The following TNPO1 variants were observed in gnomAD, a reference collection of about 807,000 sequenced individuals.
The protein encoded by TNPO1 is transportin 1.
In TNPO1, 8 loss-of-function variants were observed where a neutral mutation model predicts 119.5. The ratio of observed to expected loss-of-function variants is 0.07; its 90% CI spans 0.04 to 0.12. TNPO1 has a LOEUF of 0.12. Among genes scored for constraint, TNPO1 ranks in the 10% least tolerant of loss-of-function variants. The pLI is 1.00. For synonymous variants in TNPO1, 362 were observed against 363.0 expected, an observed-to-expected ratio of 1.00 and a Z score of 0.03; for missense variants, 576 against 1,089.8, an observed-to-expected ratio of 0.53 and a Z score of 6.64.
chr5:72,816,878 C>G, intron 1 of TNPO1, 126 bp downstream of exon 1: 1 of 1,220,286 alleles, frequency 8.2e-7, no homozygotes, highest in African/African-American at 1.6e-5. Flanking sequence ...GCCTGCCCGG[C>G]CGTTTGAAGC....
Position 72,848,463 on chromosome 5 carries a change from TC to T in TNPO1, c.98del (p.Pro33GlnfsTer26). 6.2e-7 allele frequency: 1 copy of T among 1,610,970 alleles called. No homozygotes were observed. The highest frequency in any genetic ancestry group is 8.5e-7 in the Non-Finnish European group (1 of 1,178,470). On this transcript the variant is annotated frameshift_variant, in exon 2 of 25. Coordinates refer to ENST00000337273, the MANE Select transcript of TNPO1 (RefSeq NM_002270.4). LOFTEE classifies it high-confidence loss of function. Reference protein sequence around the residue: ...QILQLLKESQSPDTTIQRTVQ... With the variant: ...QILQLLKESQXPDTTIQRTVQ... The stretch of plus-strand genomic sequence containing the variant: ...CCTGCAGCTGTTGAAGGAGTCCCAG[TC>T]CCCAGACACCACCATCCAGAGAACC...
At chr5:72,885,508 AGAG>A (rs1271946031) in intron 11 of TNPO1, among the ~76,000 whole-genome samples, 1 of 152,246 alleles carries the variant, frequency 6.6e-6, no homozygotes, top group African/African-American at 2.4e-5. Flanking sequence ...CATCTTTTTT[AGAG>A]GAGAAGCCAG....
chr5:72,828,873 A>G (rs967764418), intron 1 of TNPO1, among the ~76,000 whole-genome samples: 1 of 152,216 alleles, frequency 6.6e-6, no homozygotes, highest in African/African-American at 2.4e-5. Context: ...ACTCTTCATA[A>G]TGGTAGATCA....
intron 1 of TNPO1, among the ~76,000 whole-genome samples, chr5:72,847,069 T>G (rs1168034866): frequency 6.6e-6 from 1 of 152,134 alleles, no homozygotes; most frequent in Non-Finnish European, 1.5e-5. Flanking sequence ...AAGAACAGTT[T>G]ATTAGATTGG....
intron 21 of TNPO1, 49 bp from the exon 22 acceptor site, chr5:72,900,925 T>C (rs555370349): frequency 7.7e-7 from 1 of 1,294,992 alleles, no homozygotes; most frequent in South Asian, 1.2e-5. Flanking sequence ...GTATTGTCAT[T>C]GAATCTGCTT....
At chr5:72,837,870 G>A (rs901611407) in intron 1 of TNPO1, among the ~76,000 whole-genome samples, 1 of 152,188 alleles carries the variant, frequency 6.6e-6, no homozygotes, top group Non-Finnish European at 1.5e-5. Context: ...ATAATTAACA[G>A]AACTGGGATT....
At position 72,913,452 on chromosome 5, in the gene TNPO1, T is replaced by C. The variant is rs1191921835; in HGVS notation, c.*4779T>C. On this transcript the variant is annotated 3_prime_UTR_variant, in exon 25 of 25. Transcript: ENST00000337273. ...AGAATGTGTTGTGTTTTTTAAAAGA[T>C]GCATAATAGCTGAATGTATGCATGA... is the stretch of plus-strand genomic sequence containing the variant. 2.0e-5 allele frequency: 3 copies of C among 152,512 alleles called. No individual in the cohort carries two copies. Among genetic ancestry groups the C allele is most frequent in the Non-Finnish European group, 2.9e-5 (2 of 67,952 alleles). The allele number at this position is 152,512 out of a possible 1,614,324, so 9.4% of individuals were successfully genotyped here.
chr5:72,906,502 G>A (rs185112974), intron 24 of TNPO1, among the ~76,000 whole-genome samples: 1 of 151,886 alleles, frequency 6.6e-6, no homozygotes, highest in East Asian at 1.9e-4. Context: ...ATGTTGGCCG[G>A]GCTGGTCTCG....
intron 18 of TNPO1, among the ~76,000 whole-genome samples, chr5:72,895,531 T>C (rs964960130): frequency 2.6e-5 from 4 of 152,234 alleles, no homozygotes; most frequent in African/African-American, 7.2e-5. Flanking sequence ...AAACATCTTA[T>C]AATACAGGAG....
rs912848195 is a variant in TNPO1 at position 72,865,960 on chromosome 5, A to G, written c.596+231A>G. Among the ~76,000 whole-genome samples the G allele has an allele frequency of 4.6e-5, 7 of 152,348 alleles. No homozygotes were observed. In the South Asian group the frequency reaches 1.2e-3, roughly 27 times the overall value. Reference sequence around the variant, plus strand: ...ATGATAAAAGTTTTGTGCCTTTTACAGTGGTTAATTATATTCATGATAGTT... The same window carrying G: ...ATGATAAAAGTTTTGTGCCTTTTACGGTGGTTAATTATATTCATGATAGTT... On this transcript the variant is annotated intron_variant, in intron 6 of 24. Coordinates refer to ENST00000337273, the MANE Select transcript of TNPO1 (RefSeq NM_002270.4).
intron 1 of TNPO1, among the ~76,000 whole-genome samples, chr5:72,817,335 CTG>C (rs1336122625): frequency 6.6e-6 from 1 of 152,226 alleles, no homozygotes; most frequent in African/African-American, 2.4e-5. Context: ...ATGTTTGTGA[CTG>C]TACGAGTTTT....
intron 11 of TNPO1, among the ~76,000 whole-genome samples, chr5:72,886,327 A>G (rs1267802424): frequency 1.3e-5 from 2 of 152,180 alleles, no homozygotes; most frequent in Non-Finnish European, 2.9e-5. Context: ...AAGTCCAGCT[A>G]AGTAATTGTC....
chr5:72,906,279 T>TC (rs1750154040), intron 24 of TNPO1, among the ~76,000 whole-genome samples: 10 of 54,808 alleles, frequency 1.8e-4, no homozygotes, highest in African/African-American at 6.4e-4. Flanking sequence ...TTTTTTCTTT[T>TC]TTTTTTTTTT....
In TNPO1 at chr5:72,891,294, G is replaced by C. The variant is rs531324781; in HGVS notation, c.1702-516G>C. 8.5e-5 allele frequency among the ~76,000 whole-genome samples: 13 copies of C among 152,154 alleles called. No homozygotes were observed. The South Asian group carries it at 2.5e-3, about 29-fold the overall frequency. On this transcript the variant is annotated intron_variant, in intron 14 of 24. Transcript: ENST00000337273. The stretch of plus-strand genomic sequence containing the variant: ...ATCCTGGCTAACACGGTGAAACCCT[G>C]TCTCTTTAAAACTACAAAAAATTAG...
rs565944134 is a variant in TNPO1, at chr5:72,913,848, T to G, written c.*5175T>G. 6.5e-6 allele frequency: 1 copy of G among 152,682 alleles called. No homozygotes were observed. The highest frequency in any genetic ancestry group is 2.4e-5 in the African/African-American group (1 of 41,588). 9.5% of individuals were successfully genotyped at this position (152,682 alleles called of 1,614,324 possible). A position where few individuals can be genotyped will look rare whatever the true frequency, so the allele number is the denominator to read the frequency against. On this transcript the variant is annotated 3_prime_UTR_variant, in exon 25 of 25. Coordinates refer to ENST00000337273, the MANE Select transcript of TNPO1 (RefSeq NM_002270.4). ...TGGGTGATTTTTATGGAGACAATAA[T>G]TAGACAATACTGTATAATTAGTTTT... is the stretch of plus-strand genomic sequence containing the variant.
chr5:72,875,794 A>G lies in TNPO1; in HGVS notation c.801+57A>G, dbSNP rs1172165418. On this transcript the variant is annotated intron_variant, in intron 8 of 24. Coordinates refer to ENST00000337273, the MANE Select transcript of TNPO1 (RefSeq NM_002270.4). The stretch of plus-strand genomic sequence containing the variant: ...ATCTTTCCCCTAAGAGAAATACTAG[A>G]TAGAAAATACAACATACCGGATGGG... The G allele has an allele frequency of 1.4e-5, 21 of 1,553,450 alleles. No individual in the cohort carries two copies. The East Asian group carries it at 4.6e-4, about 34-fold the overall frequency.
chr5:72,890,022 C>T, intron 14 of TNPO1, 65 bp downstream of exon 14: 1 of 1,532,970 alleles, frequency 6.5e-7, no homozygotes, highest in South Asian at 1.2e-5. Flanking sequence ...AATAGATTAG[C>T]ATATATTTGG....
intron 23 of TNPO1, 36 bp from the exon 24 acceptor site, chr5:72,905,267 T>G: frequency 2.0e-6 from 3 of 1,475,430 alleles, no homozygotes; most frequent in Non-Finnish European, 2.8e-6. Context: ...ATTTTTCTCT[T>G]GTTATTGATA....
intron 2 of TNPO1, among the ~76,000 whole-genome samples, chr5:72,848,745 TCCGGCGCGCAGGAGGCGGGGGCCC>T (rs1159591391): frequency 6.9e-6 from 1 of 145,000 alleles, no homozygotes. Flanking sequence ...GCCACCGGCT[TCCGGCGCGCAGGAGGCGGGGGCCC>T]CCGGCCGCCG....
Sources: gnomAD v4.1 joint callset for allele counts (sites outside exome capture counted in the v4.1 genomes callset) on GRCh38, gnomAD v4.1.1 for gene constraint, MANE v1.5 for transcripts, NCBI Gene and HGNC (gene_info 2026-07-23, HGNC 2026-07-21) for gene names.